SORL1: variants seen among roughly 807,000 people sequenced by gnomAD.
SORL1 encodes the protein sortilin related receptor 1.
In SORL1, 127 loss-of-function variants were observed where a neutral mutation model predicts 273.7. The observed-to-expected ratio is 0.46, with a 90% CI of 0.40 to 0.54. The LOEUF (loss-of-function observed/expected upper bound fraction) is 0.54, where lower values mean the gene tolerates loss of function less well. SORL1 is among the 20% of genes least tolerant of loss of function. The pLI is 0.00. For synonymous variants in SORL1, 1,031 were observed against 1,067.4 expected, an observed-to-expected ratio of 0.97 and a Z score of 0.66; for missense variants, 2,494 against 2,846.1, an observed-to-expected ratio of 0.88 and a Z score of 2.81.
At chr11:121,623,528 C>T (rs1471003421) in intron 45 of SORL1, among the ~76,000 whole-genome samples, 4 of 152,212 alleles carry the variant, frequency 2.6e-5, no homozygotes, top group African/African-American at 4.8e-5. Context: ...GGTTAAATAA[C>T]GTATGGGTGG....
chr11:121,577,306 G>A lies in SORL1; in HGVS notation c.3486G>A (p.Glu1162=), dbSNP rs144694617. Residue 1162 remains glutamate, a synonymous_variant, in exon 25 of 48, where the codon GAG becomes GAA. Transcript: ENST00000260197. ...HCEMHQCRSD[E]YNCSSGMCIR... is the part of the protein sequence containing the mutation. ...AAATGCACCAGTGCCGGAGTGACGA[G>A]TACAACTGCAGTTCCGGCATGTGCA... The A allele has an allele frequency of 6.9e-4, 1,117 of 1,611,962 alleles. 4 individuals are homozygous for A. The African/African-American group carries it at 0.013, about 19-fold the overall frequency.
chr11:121,622,209 C>G lies in SORL1; in HGVS notation c.6112C>G (p.His2038Asp), dbSNP rs146761517. The change falls in exon 45 of 48, where the codon CAT (histidine) becomes GAT (aspartate). Residue 2038 changes from histidine to aspartate, a missense_variant. By Grantham distance (81) the His-to-Asp change is moderately conservative. Coordinates refer to ENST00000260197, the MANE Select transcript of SORL1 (RefSeq NM_003105.6). ...DALKIITEND[H>D]VLLFWKSLAL... ...CTTAAAAATCATAACAGAAAATGAT[C>G]ATGTTCTTCTGTTTTGGAAAAGCCT... 75 of 1,612,670 alleles carry G rather than the reference C, an allele frequency of 4.7e-5. No homozygotes were observed. Among genetic ancestry groups the G allele is most frequent in the Middle Eastern group, 3.3e-4 (2 of 6,062 alleles).
intron 32 of SORL1, 134 bp from the exon 33 acceptor site, chr11:121,604,059 C>A: frequency 9.2e-7 from 1 of 1,081,964 alleles, no homozygotes; most frequent in Non-Finnish European, 1.3e-6. Flanking sequence ...TAGATTCCAC[C>A]ACTGGTCATT....
chr11:121,523,525 TATACCA>T (rs1211558007), intron 11 of SORL1, among the ~76,000 whole-genome samples: 6 of 152,290 alleles, frequency 3.9e-5, no homozygotes. Flanking sequence ...CGATGCTGAT[TATACCA>T]ATTCCTAAGA....
Position 121,577,312 on chromosome 11 carries a change from C to T in SORL1, c.3492C>T (p.Asn1164=), listed in dbSNP as rs772613074. 1 of 1,612,840 alleles carries T rather than the reference C, an allele frequency of 6.2e-7. No individual in the cohort carries two copies. The highest frequency in any genetic ancestry group is 2.2e-5 in the East Asian group (1 of 44,880). ...EMHQCRSDEY[N]CSSGMCIRSS... is the part of the protein sequence containing the mutation. ...ACCAGTGCCGGAGTGACGAGTACAA[C>T]TGCAGTTCCGGCATGTGCATCCGCT... Residue 1164 remains asparagine, a synonymous_variant, in exon 25 of 48, where the codon AAC becomes AAT. Coordinates refer to ENST00000260197, the MANE Select transcript of SORL1 (RefSeq NM_003105.6).
chr11:121,490,909 G>A (rs797001704), intron 5 of SORL1, among the ~76,000 whole-genome samples: 5 of 152,302 alleles, frequency 3.3e-5, no homozygotes, highest in African/African-American at 1.2e-4. Context: ...CACACATTGT[G>A]AAAGAGGCAC....
At chr11:121,505,259 CT>C (rs924235330) in intron 6 of SORL1, among the ~76,000 whole-genome samples, 6 of 151,810 alleles carry the variant, frequency 4.0e-5, no homozygotes, top group South Asian at 4.2e-4. Context: ...TCACACTAAT[CT>C]TTTTTTTATT....
chr11:121,514,250 G>A lies in SORL1; in HGVS notation c.1140G>A (p.Leu380=). The A allele has an allele frequency of 1.2e-6, 2 of 1,614,216 alleles. No homozygotes were observed. The highest frequency in any genetic ancestry group is 1.7e-6 in the Non-Finnish European group (2 of 1,180,032). ...TATACATCTCAGAGGCAGAGGGGCT[G>A]AAGTTCTCCCTGTCCTTGGAGAACG... ...TNLYISEAEG[L]KFSLSLENVL... Residue 380 remains leucine, a synonymous_variant, in exon 8 of 48, where the codon CTG becomes CTA. Transcript: ENST00000260197.
At chr11:121,543,422 C>T in intron 12 of SORL1, 126 bp from the exon 13 acceptor site, 1 of 721,122 alleles carries the variant, frequency 1.4e-6, no homozygotes, top group African/African-American at 1.8e-5. Context: ...CTTTCCCTGC[C>T]TTAGCCCAGG....
chr11:121,610,560 A>G (rs1565353723), intron 38 of SORL1: 1 of 153,764 alleles, frequency 6.5e-6, no homozygotes, highest in Admixed American at 6.4e-5. Flanking sequence ...GGCTCCAGGA[A>G]GATCAGTAAC....
intron 2 of SORL1, among the ~76,000 whole-genome samples, chr11:121,471,232 C>T (rs1338696950): frequency 6.6e-6 from 1 of 152,222 alleles, no homozygotes; most frequent in Non-Finnish European, 1.5e-5. Flanking sequence ...TGACTGTCAG[C>T]TCCAGGCTCT....
At chr11:121,460,371 G>A (rs1326519890) in intron 1 of SORL1, among the ~76,000 whole-genome samples, 1 of 150,918 alleles carries the variant, frequency 6.6e-6, no homozygotes, top group African/African-American at 2.4e-5. Flanking sequence ...GGGCTGGTGA[G>A]CTGAGGTGTA....
intron 39 of SORL1, chr11:121,611,371 C>T (rs538083264): frequency 4.3e-6 from 2 of 460,324 alleles, no homozygotes; most frequent in Admixed American, 3.7e-5. Context: ...TCTGCCTCAG[C>T]CTGGTGCCTT....
At chr11:121,477,456 G>T (rs990541952) in intron 2 of SORL1, among the ~76,000 whole-genome samples, 1 of 152,206 alleles carries the variant, frequency 6.6e-6, no homozygotes, top group African/African-American at 2.4e-5. Flanking sequence ...CCCCCTTCTG[G>T]ATGTAATTTG....
intron 40 of SORL1, chr11:121,614,587 T>G (rs1214538560): frequency 3.2e-6 from 1 of 315,650 alleles, no homozygotes; most frequent in Non-Finnish European, 5.8e-6. Flanking sequence ...TCCAAGGTTC[T>G]TGTTATACAA....
chr11:121,589,163 C>T, intron 28 of SORL1, 96 bp from the exon 29 acceptor site: 1 of 1,396,776 alleles, frequency 7.2e-7, no homozygotes, highest in South Asian at 1.2e-5. Flanking sequence ...TTTGCCAGAA[C>T]TCACTGCTGT....
chr11:121,599,782 A>G (rs1050455932), intron 32 of SORL1, among the ~76,000 whole-genome samples: 15 of 150,770 alleles, frequency 9.9e-5, no homozygotes, highest in African/African-American at 3.4e-4. Flanking sequence ...TTTTTTTTGA[A>G]GTTCTTCGGT....
At chr11:121,482,307 T>C (rs117987688) in intron 3 of SORL1, among the ~76,000 whole-genome samples, 3,586 of 152,246 alleles carry the variant, frequency 0.024, 84 homozygotes, top group Middle Eastern at 0.061. Flanking sequence ...GTGACATGTT[T>C]GCATCCCAAG....
intron 47 of SORL1, among the ~76,000 whole-genome samples, chr11:121,628,268 A>T (rs115630667): frequency 0.028 from 4,285 of 152,158 alleles, 208 homozygotes; most frequent in African/African-American, 0.097. Flanking sequence ...TGCACCAGGG[A>T]CCAGTTTTGT....
Sources: allele counts gnomAD v4.1 joint callset (sites outside exome capture counted in the v4.1 genomes callset), GRCh38; gene constraint gnomAD v4.1.1; transcripts MANE v1.5; gene names NCBI Gene and HGNC (gene_info 2026-07-23, HGNC 2026-07-21).